Variants in CCDC47 observed in about 807,000 individuals in gnomAD.
CCDC47 encodes PAT complex subunit CCDC47.
CCDC47 carries 41 observed loss-of-function variants against 60.5 expected under a neutral mutation model. The observed-to-expected ratio is 0.68, with a 90% CI of 0.53 to 0.88. The LOEUF (loss-of-function observed/expected upper bound fraction) is 0.88. Ranked by LOEUF, CCDC47 falls within the 40% of genes least tolerant of loss-of-function variation. The pLI is 0.00. For synonymous variants in CCDC47, 195 were observed against 190.7 expected, an observed-to-expected ratio of 1.02 and a Z score of -0.18; for missense variants, 513 against 580.9, an observed-to-expected ratio of 0.88 and a Z score of 1.20.
In CCDC47 at chr17:63,745,820, T is replaced by C. The variant is rs2039116296; in HGVS notation, c.*1061A>G. On this transcript the variant is annotated 3_prime_UTR_variant, in exon 13 of 13. Transcript: ENST00000225726. ...TGAACAAGCTAAGTGCTCGTGCAGA[T>C]ACATGGGCCTCTCCTCCAAGAGTTG... 1 of 152,236 alleles carries C rather than the reference T, an allele frequency of 6.6e-6. No homozygotes were observed. Among genetic ancestry groups the C allele is most frequent in the African/African-American group, 2.4e-5 (1 of 41,458 alleles). 9.4% of individuals were successfully genotyped at this position (152,236 alleles called of 1,614,324 possible).
chr17:63,762,118 TGGTATTAAGA>T, intron 4 of CCDC47: 1 of 984,778 alleles, frequency 1.0e-6, no homozygotes, highest in Non-Finnish European at 1.2e-6. Flanking sequence ...GTCTTACTAA[TGGTATTAAGA>T]GTTGTATTTT....
intron 9 of CCDC47, chr17:63,753,627 G>A: frequency 1.0e-6 from 1 of 982,016 alleles, no homozygotes; most frequent in Non-Finnish European, 1.2e-6. Flanking sequence ...TCCTGAATAT[G>A]TACTCCTGAA....
chr17:63,753,300 T>C (rs989069440), intron 9 of CCDC47: 2 of 703,716 alleles, frequency 2.8e-6, no homozygotes, highest in Non-Finnish European at 3.5e-6. Context: ...TCTCTGCCTA[T>C]ATGAATCCTT....
At chr17:63,770,928 C>G (rs1234166283) in intron 1 of CCDC47, among the ~76,000 whole-genome samples, 1 of 142,788 alleles carries the variant, frequency 7.0e-6, no homozygotes, top group Non-Finnish European at 1.5e-5. Flanking sequence ...GCGGAGATTG[C>G]AGTGAGCCAA....
intron 1 of CCDC47, among the ~76,000 whole-genome samples, chr17:63,769,936 G>A (rs987513556): frequency 6.6e-5 from 10 of 150,414 alleles, no homozygotes; most frequent in South Asian, 6.3e-4. Flanking sequence ...GTAGAATTCT[G>A]GATATTTTGT....
chr17:63,754,450 A>G lies in CCDC47; in HGVS notation c.1017T>C (p.Gly339=). The change falls in exon 9 of 13, where the codon GGT becomes GGC. Residue 339 remains glycine, a synonymous_variant. Coordinates refer to ENST00000225726, the MANE Select transcript of CCDC47 (RefSeq NM_020198.3). Reference sequence around the variant, plus strand: ...ATACGTACTCTTGCATAATTTTTGGACCAGAGAACTGGTCTGAAAAATGAA... The same window carrying G: ...ATACGTACTCTTGCATAATTTTTGGGCCAGAGAACTGGTCTGAAAAATGAA... ...ESVHFSDQFS[G]PKIMQEEGQP... 3 of 1,601,790 alleles carry G rather than the reference A, an allele frequency of 1.9e-6. No individual in the cohort carries two copies. Among genetic ancestry groups the G allele is most frequent in the Non-Finnish European group, 2.6e-6 (3 of 1,170,576 alleles).
At chr17:63,756,381 T>A (rs375896941) in intron 7 of CCDC47, 31 bp from the exon 8 acceptor site, 3 of 1,594,660 alleles carry the variant, frequency 1.9e-6, no homozygotes, top group Non-Finnish European at 2.6e-6. Flanking sequence ...AAGTAAGATA[T>A]GACCTTTTAT....
Position 63,756,312 on chromosome 17 carries a change from C to T in CCDC47, c.876G>A (p.Lys292=). ...FCSDKPKSGA[K]YGLPDSLAIL... ...TGGCCAAAGAGTCCGGCAGTCCATACTTTGCTCCAGACTTAGGTTTATCAC... is the reference window on the plus strand; with the variant it reads ...TGGCCAAAGAGTCCGGCAGTCCATATTTTGCTCCAGACTTAGGTTTATCAC... The change falls in exon 8 of 13, where the codon AAG becomes AAA. Residue 292 remains lysine (K), a synonymous_variant. Coordinates refer to ENST00000225726, the MANE Select transcript of CCDC47 (RefSeq NM_020198.3). 1.2e-6 allele frequency: 2 copies of T among 1,614,172 alleles called. No homozygotes were observed. Among genetic ancestry groups the T allele is most frequent in the East Asian group, 2.2e-5 (1 of 44,888 alleles).
At chr17:63,768,896 C>T (rs1365302468) in intron 1 of CCDC47, among the ~76,000 whole-genome samples, 1 of 151,830 alleles carries the variant, frequency 6.6e-6, no homozygotes, top group South Asian at 2.1e-4. Context: ...CCAGCCTGGC[C>T]AACATGGTAA....
At position 63,760,942 on chromosome 17, in the gene CCDC47, C is replaced by T. The variant is rs146814166; in HGVS notation, c.707G>A (p.Arg236Gln). 22 of 1,613,368 alleles carry T rather than the reference C, an allele frequency of 1.4e-5. No individual in the cohort carries two copies. Among genetic ancestry groups the T allele is most frequent in the South Asian group, 1.2e-4 (11 of 91,052 alleles). ...KRQDLLNVLA[R>Q]MMRPVSDQVQ... ...TTGATCACTCACTGGCCTCATCATC[C>T]GGGCCAGGACATTCAGTAAGTCTTG... The change falls in exon 6 of 13, where the codon CGG becomes CAG. Residue 236 changes from arginine to glutamine, a missense_variant. Coordinates refer to ENST00000225726, the MANE Select transcript of CCDC47 (RefSeq NM_020198.3).
chr17:63,747,584 C>G (rs1286525411), intron 12 of CCDC47: 94 of 984,860 alleles, frequency 9.5e-5, no homozygotes, highest in Non-Finnish European at 1.1e-4. Context: ...TGATAGAAGC[C>G]TTAGAGGTCA....
chr17:63,754,100 C>A (rs997764464), intron 9 of CCDC47, among the ~76,000 whole-genome samples: 1 of 151,876 alleles, frequency 6.6e-6, no homozygotes, highest in Non-Finnish European at 1.5e-5. Context: ...AGTGAGACAG[C>A]GTCTCAAACA....
intron 1 of CCDC47, among the ~76,000 whole-genome samples, chr17:63,773,090 A>G (rs1257565155): frequency 6.6e-6 from 1 of 152,218 alleles, no homozygotes; most frequent in Admixed American, 6.5e-5. Context: ...CTGTCTCTTT[A>G]TATGTGTTGG....
At chr17:63,748,373 A>AG (rs1161556305) in intron 12 of CCDC47, among the ~76,000 whole-genome samples, 1 of 152,060 alleles carries the variant, frequency 6.6e-6, no homozygotes, top group Non-Finnish European at 1.5e-5. Context: ...TCGGCCTCCC[A>AG]AAGTGTTAGG....
chr17:63,756,338 T>C lies in CCDC47; in HGVS notation c.850A>G (p.Ser284Gly), dbSNP rs1413376467. The change falls in exon 8 of 13, where the codon AGT (serine) becomes GGT (glycine). Residue 284 changes from serine to glycine, a missense_variant. Physicochemically the swap from Ser to Gly is moderately conservative, Grantham distance 56. Coordinates refer to ENST00000225726, the MANE Select transcript of CCDC47 (RefSeq NM_020198.3). ...TTTGCTCCAGACTTAGGTTTATCAC[T>C]ACAAAACTCACTCTAGAGGAAGAAG... ...KEMQDLSEFCSDKPKSGAKYG... is the reference protein window; with the variant it reads ...KEMQDLSEFCGDKPKSGAKYG... 1.4e-5 allele frequency: 22 copies of C among 1,613,592 alleles called. No individual in the cohort carries two copies. Among genetic ancestry groups the C allele is most frequent in the Non-Finnish European group, 1.9e-5 (22 of 1,179,492 alleles).
At chr17:63,762,233 GA>G in intron 4 of CCDC47, 1 of 985,320 alleles carries the variant, frequency 1.0e-6, no homozygotes, top group Non-Finnish European at 1.2e-6. Flanking sequence ...AGGGAAAACG[GA>G]CTGATACACC....
intron 1 of CCDC47, among the ~76,000 whole-genome samples, chr17:63,771,824 G>A (rs558093387): frequency 1.9e-3 from 292 of 152,288 alleles, no homozygotes; most frequent in African/African-American, 6.6e-3. Flanking sequence ...GTCCACGTCT[G>A]TAATCTCAGC....
intron 8 of CCDC47, chr17:63,755,393 G>T: frequency 1.7e-6 from 1 of 595,258 alleles, no homozygotes; most frequent in Non-Finnish European, 2.1e-6. Context: ...GCCAAGGTGG[G>T]TGGATCACTT....
chr17:63,751,843 A>G, intron 12 of CCDC47, 97 bp downstream of exon 12: 3 of 1,355,476 alleles, frequency 2.2e-6, no homozygotes, highest in South Asian at 1.2e-5. Flanking sequence ...AGAAAATGCT[A>G]AACTTTTAGC....
Sources: gnomAD v4.1 joint callset for allele counts (sites outside exome capture counted in the v4.1 genomes callset) on GRCh38, gnomAD v4.1.1 for gene constraint, MANE v1.5 for transcripts, NCBI Gene and HGNC (gene_info 2026-07-23, HGNC 2026-07-21) for gene names.